PPP1R1A: variants seen among roughly 807,000 people sequenced by gnomAD.
PPP1R1A encodes protein phosphatase 1 regulatory subunit 1A.
PPP1R1A carries 18 observed loss-of-function variants against 23.9 expected under a neutral mutation model. The ratio of observed to expected loss-of-function variants is 0.75; its 90% CI spans 0.52 to 1.12. The LOEUF (loss-of-function observed/expected upper bound fraction) is 1.12, where lower values mean the gene tolerates loss of function less well. Among genes scored for constraint, PPP1R1A ranks in the 50% most tolerant of loss-of-function variants. PPP1R1A has a pLI of 0.00. For missense variants in PPP1R1A, 207 were observed against 223.8 expected (o/e 0.92, Z 0.48); for synonymous variants, 84 against 80.7 (o/e 1.04, Z -0.22).
At chr12:54,588,187 T>C (rs1454092844) in intron 1 of PPP1R1A, among the ~76,000 whole-genome samples, 2 of 151,812 alleles carry the variant, frequency 1.3e-5, no homozygotes, top group Non-Finnish European at 2.9e-5. Context: ...GGAGGCGCTC[T>C]TCCTTCGGTC....
intron 1 of PPP1R1A, among the ~76,000 whole-genome samples, chr12:54,585,202 T>C (rs549152514): frequency 6.6e-6 from 1 of 152,314 alleles, no homozygotes; most frequent in South Asian, 2.1e-4. Flanking sequence ...GCCTTTCTGA[T>C]TTGTCAAGAA....
chr12:54,579,765 C>G lies in PPP1R1A; in HGVS notation c.*622G>C, dbSNP rs1957835664. 2 of 985,542 alleles carry G rather than the reference C, an allele frequency of 2.0e-6. No homozygotes were observed. The highest frequency in any genetic ancestry group is 1.7e-5 in the African/African-American group (1 of 57,222). The allele number at this position is 985,542 out of a possible 1,614,324, so 61.0% of individuals were successfully genotyped here. Reference sequence around the variant, plus strand: ...CCCACAGCTGGAAGAGGGAACACATCCTGAAGCTTGGGAATCCAAAAGGAA... The same window carrying G: ...CCCACAGCTGGAAGAGGGAACACATGCTGAAGCTTGGGAATCCAAAAGGAA... On this transcript the variant is annotated 3_prime_UTR_variant, in exon 7 of 7. Coordinates refer to ENST00000257905, the MANE Select transcript of PPP1R1A (RefSeq NM_006741.4).
rs201748056 is a variant in PPP1R1A at position 54,581,022 on chromosome 12, G to T, written c.432C>A (p.His144Gln). Residue 144 changes from histidine (H) to glutamine (Q), a missense_variant, in exon 6 of 7, where the codon CAC (histidine) becomes CAA (glutamine). Transcript: ENST00000257905. The surrounding 1 kb of genome is among the most constrained non-coding windows in gnomAD (Gnocchi z 4.1). ...KKTAECIPKT[H>Q]ERGSKEPSTK... is the part of the protein sequence containing the mutation. ...TGCTGGGTTCCTTACTGCCTCTCTC[G>T]TGAGTTTTAGGGATGCATTCTGCAG... 8.7e-6 allele frequency: 14 copies of T among 1,613,336 alleles called. No homozygotes were observed. The African/African-American group carries it at 1.5e-4, about 17-fold the overall frequency.
rs772237379 is a variant in PPP1R1A at position 54,581,100 on chromosome 12, G to T, written c.404-50C>A. ...AGGAAGAGGTGGCATTCATAAAGGT[G>T]TTGGGGAGGGAACTGCTTCTCCTCA... On this transcript the variant is annotated intron_variant, in intron 5 of 6. Transcript: ENST00000257905. This position sits in a 1 kb window ranked among gnomAD's most constrained non-coding sequence, Gnocchi z 4.1. The T allele has an allele frequency of 1.4e-5, 20 of 1,411,380 alleles. No homozygotes were observed. The Admixed American group carries it at 3.3e-4, about 23-fold the overall frequency. The allele number at this position is 1,411,380 out of a possible 1,614,324, so 87.4% of individuals were successfully genotyped here.
chr12:54,584,783 T>C (rs1957892785), intron 1 of PPP1R1A, among the ~76,000 whole-genome samples: 1 of 152,072 alleles, frequency 6.6e-6, no homozygotes, highest in Non-Finnish European at 1.5e-5. Context: ...TGAACATCCC[T>C]GGGCTCCTCC....
intron 4 of PPP1R1A, 38 bp downstream of exon 4, chr12:54,582,694 C>A (rs1383213761): frequency 1.3e-6 from 2 of 1,599,290 alleles, no homozygotes; most frequent in East Asian, 2.2e-5. Context: ...CAGCTTCAGG[C>A]ACAGAGGAGA....
chr12:54,584,035 T>C (rs1028408523), intron 2 of PPP1R1A, among the ~76,000 whole-genome samples: 1 of 152,186 alleles, frequency 6.6e-6, no homozygotes, highest in African/African-American at 2.4e-5. Flanking sequence ...CCCCAATTCC[T>C]GGGGGGCTTA....
intron 4 of PPP1R1A, 97 bp downstream of exon 4, chr12:54,582,635 A>C (rs1957866613): frequency 7.2e-7 from 1 of 1,391,618 alleles, no homozygotes; most frequent in Admixed American, 1.8e-5. Context: ...CTACCATAAT[A>C]AAGGCAGATT....
rs1248353850 is a variant in PPP1R1A at position 54,579,787 on chromosome 12, G to C, written c.*600C>G. The C allele has an allele frequency of 1.3e-5, 13 of 985,594 alleles. No homozygotes were observed. Among genetic ancestry groups the C allele is most frequent in the Non-Finnish European group, 1.6e-5 (13 of 830,142 alleles). The allele number at this position is 985,594 out of a possible 1,614,324, so 61.1% of individuals were successfully genotyped here. A position where few individuals can be genotyped will look rare whatever the true frequency, so the allele number is the denominator to read the frequency against. On this transcript the variant is annotated 3_prime_UTR_variant, in exon 7 of 7. Coordinates refer to ENST00000257905, the MANE Select transcript of PPP1R1A (RefSeq NM_006741.4). ...CATCCTGAAGCTTGGGAATCCAAAA[G>C]GAAGGCAGCTGGGGCTTGGAGGGCA...
In PPP1R1A at chr12:54,580,962, A is replaced by G; in HGVS notation, c.492T>C (p.Asp164=). ...GTCTTACCGAGTTGGCTCCCTTGGAATCCAGTGGTGGTATATGGGTTGAGG... is the reference window on the plus strand; with the variant it reads ...GTCTTACCGAGTTGGCTCCCTTGGAGTCCAGTGGTGGTATATGGGTTGAGG... ...KEPSTHIPPL[D]SKGANSV Residue 164 remains aspartate, a synonymous_variant, in exon 6 of 7, where the codon GAT becomes GAC. Coordinates refer to ENST00000257905, the MANE Select transcript of PPP1R1A (RefSeq NM_006741.4). 1 of 1,613,812 alleles carries G rather than the reference A, an allele frequency of 6.2e-7. No individual in the cohort carries two copies. Among genetic ancestry groups the G allele is most frequent in the Non-Finnish European group, 8.5e-7 (1 of 1,179,690 alleles).
At position 54,580,985 on chromosome 12, in the gene PPP1R1A, AG is replaced by A; in HGVS notation, c.468del (p.Ser157GlnfsTer50). Reference sequence around the variant, plus strand: ...GAATCCAGTGGTGGTATATGGGTTGAGGGTTCTTTTGTGCTGGGTTCCTTAC... The same window carrying A: ...GAATCCAGTGGTGGTATATGGGTTGAGGTTCTTTTGTGCTGGGTTCCTTAC... ...RGSKEPSTKEPSTHIPPLDSK... is the reference protein window; with the variant it reads ...RGSKEPSTKEXSTHIPPLDSK... On this transcript the variant is annotated frameshift_variant, in exon 6 of 7. Coordinates refer to ENST00000257905, the MANE Select transcript of PPP1R1A (RefSeq NM_006741.4). LOFTEE classifies it high-confidence loss of function. The A allele has an allele frequency of 6.2e-7, 1 of 1,613,514 alleles. No homozygotes were observed. The highest frequency in any genetic ancestry group is 8.5e-7 in the Non-Finnish European group (1 of 1,179,634).
intron 4 of PPP1R1A, 98 bp downstream of exon 4, chr12:54,582,634 T>G (rs1015723133): frequency 1.4e-6 from 2 of 1,400,906 alleles, no homozygotes; most frequent in African/African-American, 2.9e-5. Context: ...TCTACCATAA[T>G]AAAGGCAGAT....
At chr12:54,584,224 C>A (rs1246943720) in intron 2 of PPP1R1A, 36 bp downstream of exon 2, 2 of 1,538,684 alleles carry the variant, frequency 1.3e-6, no homozygotes, top group Non-Finnish European at 1.8e-6. Context: ...GCCATAGTGG[C>A]CCCCACGCCC....
chr12:54,582,716 G>A lies in PPP1R1A; in HGVS notation c.247+16C>T, dbSNP rs1406136120. On this transcript the variant is annotated intron_variant, in intron 4 of 6. Transcript: ENST00000257905. ...AGGCACAGAGGAGAAAAAGGGATGGGAGGGGTCTTGCAAACCTTTCATTGT... is the reference window on the plus strand; with the variant it reads ...AGGCACAGAGGAGAAAAAGGGATGGAAGGGGTCTTGCAAACCTTTCATTGT... 6.2e-7 allele frequency: 1 copy of A among 1,612,866 alleles called. No individual in the cohort carries two copies. The highest frequency in any genetic ancestry group is 8.5e-7 in the Non-Finnish European group (1 of 1,178,992).
At position 54,581,865 on chromosome 12, in the gene PPP1R1A, T is replaced by A; in HGVS notation, c.403+111A>T. The A allele has an allele frequency of 7.7e-7, 1 of 1,291,838 alleles. No individual in the cohort carries two copies. The highest frequency in any genetic ancestry group is 1.5e-5 in the South Asian group (1 of 66,062). 80.0% of individuals were successfully genotyped at this position (1,291,838 alleles called of 1,614,324 possible). A position where few individuals can be genotyped will look rare whatever the true frequency, so the allele number is the denominator to read the frequency against. On this transcript the variant is annotated intron_variant, in intron 5 of 6. Transcript: ENST00000257905. The surrounding 1 kb of genome is among the most constrained non-coding windows in gnomAD (Gnocchi z 4.1). ...TATCCTTGAGACAGTTTTTGCCTACTACTAGGCCTCTCCCAGGCTCCAACT... is the reference window on the plus strand; with the variant it reads ...TATCCTTGAGACAGTTTTTGCCTACAACTAGGCCTCTCCCAGGCTCCAACT...
In PPP1R1A at chr12:54,579,489, G is replaced by A; in HGVS notation, c.*898C>T. ...TCTGTACCACATGCTTCAGCAGGGA[G>A]GGGGAAAGAATCTTGCCTTCCCTCC... On this transcript the variant is annotated 3_prime_UTR_variant, in exon 7 of 7. Transcript: ENST00000257905. The A allele has an allele frequency of 2.0e-6, 2 of 985,318 alleles. No individual in the cohort carries two copies. Among genetic ancestry groups the A allele is most frequent in the Non-Finnish European group, 1.2e-6 (1 of 829,862 alleles). 61.0% of individuals were successfully genotyped at this position (985,318 alleles called of 1,614,324 possible). A position where few individuals can be genotyped will look rare whatever the true frequency, so the allele number is the denominator to read the frequency against.
intron 1 of PPP1R1A, among the ~76,000 whole-genome samples, chr12:54,588,129 C>G (rs543465839): frequency 9.5e-4 from 145 of 152,086 alleles, no homozygotes; most frequent in African/African-American, 3.4e-3. Flanking sequence ...CCCCCTCCCC[C>G]AGGACTGGGG....
chr12:54,582,841 C>T (rs1036904101), intron 3 of PPP1R1A, 46 bp from the exon 4 acceptor site: 14 of 1,574,472 alleles, frequency 8.9e-6, no homozygotes, highest in East Asian at 2.2e-5. Flanking sequence ...CCCCCTTGCT[C>T]TCCAGACCCC....
intron 6 of PPP1R1A, 34 bp downstream of exon 6, chr12:54,580,910 C>T (rs768346070): frequency 3.9e-6 from 6 of 1,532,100 alleles, no homozygotes; most frequent in South Asian, 1.1e-5. Flanking sequence ...AGCCTCCTCT[C>T]CTATGACCTG....
Sources: gnomAD v4.1 joint callset for allele counts (sites outside exome capture counted in the v4.1 genomes callset) on GRCh38, gnomAD v4.1.1 for gene constraint, Gnocchi (gnomAD v3.1) non-coding constraint, MANE v1.5 for transcripts, NCBI Gene and HGNC (gene_info 2026-07-23, HGNC 2026-07-21) for gene names.